KIF13A: variants seen among roughly 807,000 people sequenced by gnomAD.
KIF13A encodes the protein kinesin family member 13A.
In KIF13A, 79 loss-of-function variants were observed where a neutral mutation model predicts 212.2. The ratio of observed to expected loss-of-function variants is 0.37; its 90% CI spans 0.31 to 0.45. The LOEUF is 0.45. KIF13A is among the 20% of genes least tolerant of loss of function. KIF13A has a pLI of 1.00. For synonymous variants in KIF13A, 789 were observed against 808.6 expected (o/e 0.98, Z 0.41); for missense variants, 1,901 against 2,209.0 (o/e 0.86, Z 2.79).
chr6:17,931,307 G>C (rs946954318), intron 2 of KIF13A, among the ~76,000 whole-genome samples: 1 of 152,068 alleles, frequency 6.6e-6, no homozygotes, highest in Non-Finnish European at 1.5e-5. Context: ...CTTTCAAATG[G>C]ATATCAAACA....
chr6:17,915,834 A>G lies in KIF13A; in HGVS notation c.147-17654T>C, dbSNP rs1774446340. 6.6e-6 allele frequency among the ~76,000 whole-genome samples: 1 copy of G among 151,866 alleles called. No homozygotes were observed. Among genetic ancestry groups the G allele is most frequent in the South Asian group, 2.1e-4 (1 of 4,824 alleles). On this transcript the variant is annotated intron_variant, in intron 2 of 38. Transcript: ENST00000259711. The surrounding 1 kb of genome is among the most constrained non-coding windows in gnomAD (Gnocchi z 4.4). ...AAAATTAGCTGGGTGTGGTAGCAAG[A>G]GCCTATAGTCCCAGCTACCCAAGAG...
rs1212919377 is a variant in KIF13A, at chr6:17,838,284, G to C, written c.831-701C>G. 6.6e-6 allele frequency among the ~76,000 whole-genome samples: 1 copy of C among 150,836 alleles called. No individual in the cohort carries two copies. Among genetic ancestry groups the C allele is most frequent in the Admixed American group, 6.6e-5 (1 of 15,110 alleles). ...TGCAGTGAGCCAAGATCGCGCCACT[G>C]TACTCCAGCCTGGGCGACAGAGCAA... On this transcript the variant is annotated intron_variant, in intron 9 of 38. Coordinates refer to ENST00000259711, the MANE Select transcript of KIF13A (RefSeq NM_022113.6). The surrounding 1 kb of genome is among the most constrained non-coding windows in gnomAD (Gnocchi z 4.2).
rs141843023 is a variant in KIF13A at position 17,937,781 on chromosome 6, G to A, written c.147-39601C>T. On this transcript the variant is annotated intron_variant, in intron 2 of 38. Transcript: ENST00000259711. ...TTTTGTTTTTTTGAGACGGAGTCTCGCTCTGTCGACCAGGCTGGAGTACAG... is the reference window on the plus strand; with the variant it reads ...TTTTGTTTTTTTGAGACGGAGTCTCACTCTGTCGACCAGGCTGGAGTACAG... 4.1e-4 allele frequency among the ~76,000 whole-genome samples: 60 copies of A among 145,566 alleles called. 1 individual carries two copies. The South Asian group carries it at 0.012, about 30-fold the overall frequency.
chr6:17,849,297 A>G lies in KIF13A; in HGVS notation c.830+80T>C. On this transcript the variant is annotated intron_variant, in intron 9 of 38. Transcript: ENST00000259711. This position sits in a 1 kb window ranked among gnomAD's most constrained non-coding sequence, Gnocchi z 5.7. Reference sequence around the variant, plus strand: ...ACAGACTTTAAACAACCTGTACATCAGAACCATCTGACCCTCATAATGCAA... The same window carrying G: ...ACAGACTTTAAACAACCTGTACATCGGAACCATCTGACCCTCATAATGCAA... 1.0e-6 allele frequency: 1 copy of G among 956,590 alleles called. No homozygotes were observed. The highest frequency in any genetic ancestry group is 1.6e-6 in the Non-Finnish European group (1 of 621,310). 59.3% of individuals were successfully genotyped at this position (956,590 alleles called of 1,614,324 possible).
rs1443665580 is a variant in KIF13A at position 17,900,732 on chromosome 6, A to G, written c.147-2552T>C. 6.6e-6 allele frequency among the ~76,000 whole-genome samples: 1 copy of G among 152,142 alleles called. No individual in the cohort carries two copies. The highest frequency in any genetic ancestry group is 1.5e-5 in the Non-Finnish European group (1 of 68,024). On this transcript the variant is annotated intron_variant, in intron 2 of 38. Coordinates refer to ENST00000259711, the MANE Select transcript of KIF13A (RefSeq NM_022113.6). The surrounding 1 kb of genome is among the most constrained non-coding windows in gnomAD (Gnocchi z 4.6). ...CATTCATTGATACACCCTGTAATTC[A>G]TTCATTGATACACCTTTCTTAAGGT...
At chr6:17,956,887 A>C (rs2150579964) in intron 2 of KIF13A, among the ~76,000 whole-genome samples, 1 of 129,336 alleles carries the variant, frequency 7.7e-6, no homozygotes. Context: ...CTGTTCAATC[A>C]CATTTTTTTT....
Position 17,855,114 on chromosome 6 carries a change from T to G in KIF13A, c.494+323A>C, listed in dbSNP as rs1272375466. ...TTCAACCCTTTTACCCTTAACACAT[T>G]AGTGCCACTTTCCAATGTAAATGGA... On this transcript the variant is annotated intron_variant, in intron 6 of 38. Coordinates refer to ENST00000259711, the MANE Select transcript of KIF13A (RefSeq NM_022113.6). The surrounding 1 kb of genome is among the most constrained non-coding windows in gnomAD (Gnocchi z 4.1). Among the ~76,000 whole-genome samples the G allele has an allele frequency of 6.6e-6, 1 of 152,090 alleles. No homozygotes were observed. The highest frequency in any genetic ancestry group is 2.1e-4 in the South Asian group (1 of 4,828).
At chr6:17,937,762 T>C (rs1465135482) in intron 2 of KIF13A, among the ~76,000 whole-genome samples, 1 of 144,594 alleles carries the variant, frequency 6.9e-6, no homozygotes, top group Admixed American at 6.8e-5. Flanking sequence ...TTTTTTTTGT[T>C]TTTTTGAGAC....
Position 17,783,542 on chromosome 6 carries a change from G to T in KIF13A, c.3544+104C>A. The T allele has an allele frequency of 2.5e-6, 2 of 805,402 alleles. No homozygotes were observed. The highest frequency in any genetic ancestry group is 2.1e-6 in the Non-Finnish European group (1 of 483,864). The allele number at this position is 805,402 out of a possible 1,614,324, so 49.9% of individuals were successfully genotyped here. ...AAAAATGTCACCCAATTTGGCACAT[G>T]AATGATTAGAAGAGTGATTTAAGGA... On this transcript the variant is annotated intron_variant, in intron 29 of 38. Coordinates refer to ENST00000259711, the MANE Select transcript of KIF13A (RefSeq NM_022113.6). The surrounding 1 kb of genome is among the most constrained non-coding windows in gnomAD (Gnocchi z 4.3).
rs942543113 is a variant in KIF13A, at chr6:17,825,695, A to G, written c.1786+73T>C. The G allele has an allele frequency of 2.9e-5, 41 of 1,392,164 alleles. No individual in the cohort carries two copies. Among genetic ancestry groups the G allele is most frequent in the Non-Finnish European group, 4.0e-5 (40 of 1,010,718 alleles). The allele number at this position is 1,392,164 out of a possible 1,614,324, so 86.2% of individuals were successfully genotyped here. On this transcript the variant is annotated intron_variant, in intron 16 of 38. Coordinates refer to ENST00000259711, the MANE Select transcript of KIF13A (RefSeq NM_022113.6). The surrounding 1 kb of genome is among the most constrained non-coding windows in gnomAD (Gnocchi z 4.5). ...TGGAATGCGGAATGACACCTGATGC[A>G]TGCTTATCCCTCACTGAATGGTGTG...
rs1774389082 is a variant in KIF13A, at chr6:17,915,205, G to A, written c.147-17025C>T. 6.6e-6 allele frequency among the ~76,000 whole-genome samples: 1 copy of A among 152,168 alleles called. No homozygotes were observed. Among genetic ancestry groups the A allele is most frequent in the Non-Finnish European group, 1.5e-5 (1 of 68,026 alleles). On this transcript the variant is annotated intron_variant, in intron 2 of 38. Transcript: ENST00000259711. This position sits in a 1 kb window ranked among gnomAD's most constrained non-coding sequence, Gnocchi z 4.4. ...CTGAATAATCCCTTAGGTTACAGTT[G>A]AGACACACAAACGGCCTTTTATGAG...
At position 17,769,185 on chromosome 6, in the gene KIF13A, A is replaced by G. The variant is rs117285959; in HGVS notation, c.4581+1929T>C. The stretch of plus-strand genomic sequence containing the variant: ...AACAGTCTGTACCCATTTATAAGAG[A>G]AAAAACAAAATTAAAGTTTCCCAAA... On this transcript the variant is annotated intron_variant, in intron 38 of 38. Transcript: ENST00000259711. This position sits in a 1 kb window ranked among gnomAD's most constrained non-coding sequence, Gnocchi z 5.8. Among the ~76,000 whole-genome samples, 379 of 152,328 alleles carry G rather than the reference A, an allele frequency of 2.5e-3. 14 individuals are homozygous for G. In the East Asian group the frequency reaches 0.066, roughly 26 times the overall value.
intron 25 of KIF13A, among the ~76,000 whole-genome samples, chr6:17,790,789 A>G (rs758695041): frequency 6.6e-6 from 1 of 152,170 alleles, no homozygotes. Flanking sequence ...GGTCTGTACT[A>G]CACTGTTGAA....
At chr6:17,875,222 C>T (rs1335122080) in intron 3 of KIF13A, among the ~76,000 whole-genome samples, 1 of 152,124 alleles carries the variant, frequency 6.6e-6, no homozygotes, top group East Asian at 1.9e-4. Flanking sequence ...TTTAAGGAAT[C>T]TCCACACTGT....
intron 12 of KIF13A, among the ~76,000 whole-genome samples, chr6:17,833,668 C>T (rs1189492114): frequency 6.6e-6 from 1 of 151,604 alleles, no homozygotes; most frequent in Admixed American, 6.6e-5. Flanking sequence ...CCAGCCTGGC[C>T]AACATGGTGA....
intron 2 of KIF13A, among the ~76,000 whole-genome samples, chr6:17,978,824 T>G (rs1044828310): frequency 1.3e-5 from 2 of 152,238 alleles, no homozygotes; most frequent in Non-Finnish European, 2.9e-5. Context: ...TTCCACTATT[T>G]CTAGCTGGAT....
At chr6:17,901,061 G>A (rs1196586768) in intron 2 of KIF13A, among the ~76,000 whole-genome samples, 5 of 131,518 alleles carry the variant, frequency 3.8e-5, no homozygotes, top group Admixed American at 9.0e-5. Flanking sequence ...CATCCTGGGC[G>A]ACAGAGCAAG....
Position 17,780,731 on chromosome 6 carries a change from T to C in KIF13A, c.3845A>G (p.Gln1282Arg). ...KRIAANIYNK[Q>R]SFTQSLKRRI... is the part of the protein sequence containing the mutation. ...GGCACAATCAGGCCCCGTTATTACCTGTTTGTTGTAAATATTGGCTGCAAT... is the reference window on the plus strand; with the variant it reads ...GGCACAATCAGGCCCCGTTATTACCCGTTTGTTGTAAATATTGGCTGCAAT... Residue 1282 changes from glutamine (Q) to arginine (R), a missense_variant and splice_region_variant, in exon 31 of 39, where the codon CAG (glutamine) becomes CGG (arginine). Gln to Arg is a conservative substitution (Grantham distance 43, BLOSUM62 1). Transcript: ENST00000259711. The C allele has an allele frequency of 1.2e-6, 2 of 1,613,684 alleles. No individual in the cohort carries two copies. Among genetic ancestry groups the C allele is most frequent in the Non-Finnish European group, 1.7e-6 (2 of 1,179,640 alleles).
chr6:17,819,345 T>C (rs1187972435), intron 16 of KIF13A, among the ~76,000 whole-genome samples: 2 of 152,022 alleles, frequency 1.3e-5, no homozygotes, highest in African/African-American at 2.4e-5. Flanking sequence ...GGGCGATCAC[T>C]TGAGGTCAGG....
Sources: allele counts gnomAD v4.1 joint callset (sites outside exome capture counted in the v4.1 genomes callset), GRCh38; gene constraint gnomAD v4.1.1; non-coding constraint Gnocchi (gnomAD v3.1); transcripts MANE v1.5; gene names NCBI Gene and HGNC (gene_info 2026-07-23, HGNC 2026-07-21).